Variants in NELL1 observed in about 807,000 individuals in gnomAD.
NELL1 encodes the protein neural EGFL like 1.
A neutral mutation model predicts 107.4 loss-of-function variants in NELL1; 76 were observed. That is an observed-to-expected ratio of 0.71 (90% CI 0.59 to 0.86). The LOEUF (loss-of-function observed/expected upper bound fraction) is 0.86. NELL1 is among the 40% of genes least tolerant of loss of function. The pLI is 0.00. For synonymous variants in NELL1, 353 were observed against 341.2 expected, an observed-to-expected ratio of 1.03 and a Z score of -0.38; for missense variants, 1,024 against 1,005.5, an observed-to-expected ratio of 1.02 and a Z score of -0.25.
chr11:21,108,442 T>G (rs1334675610), intron 12 of NELL1, among the ~76,000 whole-genome samples: 1 of 152,106 alleles, frequency 6.6e-6, no homozygotes, highest in East Asian at 1.9e-4. Flanking sequence ...TGGGGAGGGA[T>G]GTAAATCATG....
chr11:20,790,405 C>T (rs774708430), intron 3 of NELL1, among the ~76,000 whole-genome samples: 3 of 152,228 alleles, frequency 2.0e-5, no homozygotes, highest in Non-Finnish European at 2.9e-5. Context: ...AACTCGGCCC[C>T]GACTTTGCTC....
At chr11:20,962,441 T>C (rs949882205) in intron 12 of NELL1, among the ~76,000 whole-genome samples, 5 of 152,160 alleles carry the variant, frequency 3.3e-5, no homozygotes, top group African/African-American at 1.2e-4. Context: ...TCAAAAACAA[T>C]GTGAATCCTG....
At chr11:20,915,717 A>ATATATATATATATATATATATTTTT in intron 5 of NELL1, among the ~76,000 whole-genome samples, 29 of 58,194 alleles carry the variant, frequency 5.0e-4, no homozygotes, top group African/African-American at 1.7e-3. Context: ...ATATATATAT[A>ATATATATATATATATATATATTTTT]TTTTTTTTTT....
At chr11:21,491,642 G>T (rs1854818427) in intron 15 of NELL1, among the ~76,000 whole-genome samples, 1 of 152,110 alleles carries the variant, frequency 6.6e-6, no homozygotes, top group Admixed American at 6.5e-5. Context: ...GATGTCTCCA[G>T]CTTTGTTCTT....
At chr11:21,239,435 A>G (rs1455483255) in intron 14 of NELL1, among the ~76,000 whole-genome samples, 1 of 152,038 alleles carries the variant, frequency 6.6e-6, no homozygotes, top group African/African-American at 2.4e-5. Context: ...TACCCACCCA[A>G]GTGTGGCATG....
At chr11:21,473,546 G>A (rs1337563103) in intron 15 of NELL1, among the ~76,000 whole-genome samples, 2 of 151,974 alleles carry the variant, frequency 1.3e-5, no homozygotes, top group African/African-American at 4.8e-5. Context: ...TCAATGATGA[G>A]GGCACCTGTT....
chr11:21,048,003 A>T (rs925526282), intron 12 of NELL1, among the ~76,000 whole-genome samples: 3 of 152,140 alleles, frequency 2.0e-5, no homozygotes, highest in Admixed American at 2.0e-4. Context: ...CCTTATGCTG[A>T]TGGCAGTTCC....
chr11:21,236,236 G>A (rs1190411684), intron 14 of NELL1, among the ~76,000 whole-genome samples: 1 of 152,088 alleles, frequency 6.6e-6, no homozygotes, highest in Non-Finnish European at 1.5e-5. Context: ...AATTTTGCTT[G>A]TAGTATTCAA....
chr11:21,417,777 A>T (rs550189090), intron 15 of NELL1, among the ~76,000 whole-genome samples: 50 of 152,204 alleles, frequency 3.3e-4, no homozygotes, highest in Middle Eastern at 3.4e-3. Context: ...CCTCCCTATG[A>T]GTCCCACTTC....
At chr11:21,094,619 T>G (rs1362886292) in intron 12 of NELL1, among the ~76,000 whole-genome samples, 1 of 152,212 alleles carries the variant, frequency 6.6e-6, no homozygotes, top group Non-Finnish European at 1.5e-5. Flanking sequence ...AGGTGGAGTT[T>G]CCCAAACCTC....
At chr11:21,201,941 G>A (rs529491449) in intron 13 of NELL1, among the ~76,000 whole-genome samples, 44 of 152,260 alleles carry the variant, frequency 2.9e-4, no homozygotes, top group African/African-American at 1.0e-3. Flanking sequence ...ATTGATTTGT[G>A]TATGTTGAAC....
intron 15 of NELL1, among the ~76,000 whole-genome samples, chr11:21,460,634 G>T (rs920939978): frequency 6.6e-6 from 1 of 151,972 alleles, no homozygotes; most frequent in African/African-American, 2.4e-5. Flanking sequence ...AATAAACTGG[G>T]GATAAATTTG....
chr11:20,751,078 C>G (rs543443385), intron 2 of NELL1, among the ~76,000 whole-genome samples: 1 of 151,858 alleles, frequency 6.6e-6, no homozygotes, highest in South Asian at 2.1e-4. Flanking sequence ...TATTTCTATT[C>G]CGCTGATCTA....
intron 14 of NELL1, among the ~76,000 whole-genome samples, chr11:21,287,841 C>T (rs1849158972): frequency 6.6e-6 from 1 of 151,976 alleles, no homozygotes; most frequent in African/African-American, 2.4e-5. Context: ...ATTGTGATTA[C>T]ATGTTTTATC....
At chr11:20,948,778 A>C (rs997401146) in intron 11 of NELL1, among the ~76,000 whole-genome samples, 2 of 151,560 alleles carry the variant, frequency 1.3e-5, no homozygotes, top group Non-Finnish European at 1.5e-5. Flanking sequence ...AAAAAAAAAA[A>C]AAAAAAAAAC....
chr11:21,076,596 C>A (rs1854141997), intron 12 of NELL1, among the ~76,000 whole-genome samples: 1 of 152,152 alleles, frequency 6.6e-6, no homozygotes, highest in Non-Finnish European at 1.5e-5. Flanking sequence ...GATGAGTGAG[C>A]AAAGGTTTAT....
At chr11:21,290,049 G>T (rs991748669) in intron 14 of NELL1, among the ~76,000 whole-genome samples, 1 of 152,136 alleles carries the variant, frequency 6.6e-6, no homozygotes, top group South Asian at 2.1e-4. Flanking sequence ...GGGGGAAGGG[G>T]CATCTGTGGG....
At chr11:21,246,992 A>G (rs986267601) in intron 14 of NELL1, among the ~76,000 whole-genome samples, 1 of 152,174 alleles carries the variant, frequency 6.6e-6, no homozygotes, top group Non-Finnish European at 1.5e-5. Flanking sequence ...GGTAGCTACA[A>G]TTCAAAATGA....
At chr11:20,688,708 TG>T (rs1471193069) in intron 2 of NELL1, among the ~76,000 whole-genome samples, 2 of 152,138 alleles carry the variant, frequency 1.3e-5, no homozygotes, top group Non-Finnish European at 2.9e-5. Flanking sequence ...CGAGTACATG[TG>T]TTTTTTGGTA....
Sources: gnomAD v4.1 joint callset for allele counts (sites outside exome capture counted in the v4.1 genomes callset) on GRCh38, gnomAD v4.1.1 for gene constraint, MANE v1.5 for transcripts, NCBI Gene and HGNC (gene_info 2026-07-23, HGNC 2026-07-21) for gene names.